The following ZNF468 variants were observed in gnomAD, a reference collection of about 807,000 sequenced individuals.
ZNF468 encodes zinc finger protein ZNF468.
Under a neutral mutation model 7.2 loss-of-function variants are expected in ZNF468, and 8 were observed. That is an observed-to-expected ratio of 1.11 (90% CI 0.65 to 2.01). The LOEUF (loss-of-function observed/expected upper bound fraction) is 2.01, where lower values mean the gene tolerates loss of function less well. ZNF468 is among the 30% of genes most tolerant of loss of function. The pLI, the probability that ZNF468 is intolerant of heterozygous loss-of-function variation, is 0.00. For synonymous variants in ZNF468, 218 were observed against 214.4 expected (o/e 1.02, Z -0.15); for missense variants, 608 against 626.5 (o/e 0.97, Z 0.31).
intron 3 of ZNF468, among the ~76,000 whole-genome samples, chr19:52,848,339 A>C (rs2063357020): frequency 6.6e-6 from 1 of 152,192 alleles, no homozygotes; most frequent in African/African-American, 2.4e-5. Context: ...GCTTTCGTAG[A>C]GTCCCAGCCC....
intron 3 of ZNF468, among the ~76,000 whole-genome samples, chr19:52,844,174 G>C (rs1158423070): frequency 6.6e-6 from 1 of 152,158 alleles, no homozygotes; most frequent in Non-Finnish European, 1.5e-5. Flanking sequence ...GGTAGATGTG[G>C]TATTCTCTAA....
intron 1 of ZNF468, 76 bp from the exon 2 acceptor site, chr19:52,854,421 G>T: frequency 7.1e-7 from 1 of 1,415,334 alleles, no homozygotes; most frequent in Non-Finnish European, 9.6e-7. Context: ...ACAAACATAG[G>T]AGACCTCACC....
chr19:52,840,662 G>C lies in ZNF468; in HGVS notation c.*63C>G. Reference sequence around the variant, plus strand: ...TGCTTGTAAGGTTTCTCTCCAGTATGAATTGCCTTATGACTTACAGGGTTG... The same window carrying C: ...TGCTTGTAAGGTTTCTCTCCAGTATCAATTGCCTTATGACTTACAGGGTTG... On this transcript the variant is annotated 3_prime_UTR_variant, in exon 4 of 4. Transcript: ENST00000595646. The C allele has an allele frequency of 1.2e-6, 2 of 1,609,444 alleles. No individual in the cohort carries two copies. The highest frequency in any genetic ancestry group is 1.7e-6 in the Non-Finnish European group (2 of 1,176,248).
chr19:52,840,136 G>A lies in ZNF468; in HGVS notation c.*589C>T. 2.1e-6 allele frequency: 1 copy of A among 472,474 alleles called. No homozygotes were observed. The highest frequency in any genetic ancestry group is 2.1e-5 in the South Asian group (1 of 48,458). 29.3% of individuals were successfully genotyped at this position (472,474 alleles called of 1,614,324 possible). On this transcript the variant is annotated 3_prime_UTR_variant, in exon 4 of 4. Transcript: ENST00000595646. ...CTTACATTTCTATGGCTTTTCTCCA[G>A]TGTGAATTCTCCTATGTATTTGAAG...
Position 52,838,793 on chromosome 19 carries a change from G to C in ZNF468, c.*1932C>G, listed in dbSNP as rs1301616860. On this transcript the variant is annotated 3_prime_UTR_variant, in exon 4 of 4. Coordinates refer to ENST00000595646, the MANE Select transcript of ZNF468 (RefSeq NM_001008801.2). ...GGAATAAACATAAAAAGTGAGGTTTGTACCTTGAAATCTATAAACATTGAT... is the reference window on the plus strand; with the variant it reads ...GGAATAAACATAAAAAGTGAGGTTTCTACCTTGAAATCTATAAACATTGAT... The C allele has an allele frequency of 6.6e-6, 1 of 152,152 alleles. No individual in the cohort carries two copies. The highest frequency in any genetic ancestry group is 1.5e-5 in the Non-Finnish European group (1 of 68,018). The allele number at this position is 152,152 out of a possible 1,614,324, so 9.4% of individuals were successfully genotyped here.
In ZNF468 at chr19:52,839,576, G is replaced by T; in HGVS notation, c.*1149C>A. On this transcript the variant is annotated 3_prime_UTR_variant, in exon 4 of 4. Coordinates refer to ENST00000595646, the MANE Select transcript of ZNF468 (RefSeq NM_001008801.2). Reference sequence around the variant, plus strand: ...AAGGAATTGTCTGATGGTCTGCAAGGAGTGACCTTGGACTGAAGACCCTTC... The same window carrying T: ...AAGGAATTGTCTGATGGTCTGCAAGTAGTGACCTTGGACTGAAGACCCTTC... 1.9e-6 allele frequency: 1 copy of T among 535,804 alleles called. No individual in the cohort carries two copies. The highest frequency in any genetic ancestry group is 3.8e-6 in the Non-Finnish European group (1 of 264,352). 33.2% of individuals were successfully genotyped at this position (535,804 alleles called of 1,614,324 possible).
intron 2 of ZNF468, among the ~76,000 whole-genome samples, chr19:52,851,788 T>G (rs745743324): frequency 9.9e-5 from 15 of 152,036 alleles, no homozygotes; most frequent in Non-Finnish European, 2.2e-4. Flanking sequence ...AGTACAAAAA[T>G]CTGTTTTGTA....
intron 3 of ZNF468, 39 bp from the exon 4 acceptor site, chr19:52,842,190 C>T (rs758717168): frequency 1.1e-5 from 16 of 1,505,854 alleles, no homozygotes; most frequent in Non-Finnish European, 4.5e-6. Context: ...CAATTAAGTA[C>T]AGACGGTATA....
At chr19:52,847,925 AG>A (rs1399185131) in intron 3 of ZNF468, among the ~76,000 whole-genome samples, 2 of 152,204 alleles carry the variant, frequency 1.3e-5, no homozygotes, top group African/African-American at 4.8e-5. Context: ...TGAGTGTGCT[AG>A]CCCCATGGGC....
chr19:52,847,720 C>T (rs576782633), intron 3 of ZNF468, among the ~76,000 whole-genome samples: 2 of 152,146 alleles, frequency 1.3e-5, no homozygotes, highest in Non-Finnish European at 2.9e-5. Flanking sequence ...ATAAATCTAG[C>T]CTACGTGCAC....
chr19:52,847,394 TC>T (rs1568679133), intron 3 of ZNF468, among the ~76,000 whole-genome samples: 1 of 148,162 alleles, frequency 6.7e-6, no homozygotes, highest in East Asian at 2.0e-4. Context: ...TGTCCAAGTT[TC>T]CCCCCACTGA....
At position 52,841,948 on chromosome 19, in the gene ZNF468, T is replaced by C. The variant is rs757033118; in HGVS notation, c.346A>G (p.Ile116Val). ...CCTGTACTACCAGCCAACTCTTTGA[T>C]TTCTGTCATGGGTGCTGCATGGCCA... The part of the protein sequence containing the change: ...TNGHAAPMTE[I>V]KELAGSTGQH... Residue 116 changes from isoleucine (I) to valine (V), a missense_variant, in exon 4 of 4, where the codon ATC becomes GTC. Physicochemically the swap from Ile to Val is conservative, Grantham distance 29. Transcript: ENST00000595646. 44 of 1,613,732 alleles carry C rather than the reference T, an allele frequency of 2.7e-5. No individual in the cohort carries two copies. Among genetic ancestry groups the C allele is most frequent in the Non-Finnish European group, 1.7e-6 (2 of 1,179,828 alleles).
chr19:52,850,870 G>A (rs1251190656), intron 2 of ZNF468, among the ~76,000 whole-genome samples: 1 of 151,858 alleles, frequency 6.6e-6, no homozygotes, highest in Non-Finnish European at 1.5e-5. Flanking sequence ...CTGCACTCCA[G>A]CCTGGGCGAC....
intron 1 of ZNF468, among the ~76,000 whole-genome samples, chr19:52,857,202 G>A (rs1274223782): frequency 1.3e-5 from 2 of 151,994 alleles, no homozygotes; most frequent in African/African-American, 4.8e-5. Context: ...GACTGGGGTC[G>A]CCGCGCTGTG....
chr19:52,841,338 C>T lies in ZNF468; in HGVS notation c.956G>A (p.Arg319Lys), dbSNP rs757823033. Residue 319 changes from arginine (R) to lysine (K), a missense_variant, in exon 4 of 4, where the codon AGG (arginine) becomes AAG (lysine). Transcript: ENST00000595646. The stretch of plus-strand genomic sequence containing the variant: ...GTATGGTTTCTCTCCAGTATGAATC[C>T]TCTTATGTCTTTCAAGGTGTGATTT... The part of the protein sequence containing the change: ...SRKSHLERHK[R>K]IHTGEKPYKC... The T allele has an allele frequency of 5.0e-6, 8 of 1,613,780 alleles. No homozygotes were observed. The highest frequency in any genetic ancestry group is 6.8e-6 in the Non-Finnish European group (8 of 1,179,942).
chr19:52,845,713 T>TA (rs577610845), intron 3 of ZNF468, among the ~76,000 whole-genome samples: 147 of 151,440 alleles, frequency 9.7e-4, no homozygotes, highest in East Asian at 6.3e-3. Context: ...TAAAGGTAAA[T>TA]AAAAAAACAG....
In ZNF468 at chr19:52,842,651, C is replaced by T. The variant is rs1041566482; in HGVS notation, c.143-500G>A. Among the ~76,000 whole-genome samples, 8 of 151,478 alleles carry T rather than the reference C, an allele frequency of 5.3e-5. 1 individual carries two copies. The highest frequency in any genetic ancestry group is 1.2e-4 in the Non-Finnish European group (8 of 67,888). On this transcript the variant is annotated intron_variant, in intron 3 of 3. Coordinates refer to ENST00000595646, the MANE Select transcript of ZNF468 (RefSeq NM_001008801.2). ...AACAATCACAGCACTGACAAGATAA[C>T]AGAAGATTACAAAAATTAGCCAGGT...
chr19:52,842,218 A>C lies in ZNF468; in HGVS notation c.143-67T>G, dbSNP rs544795577. 2.3e-4 allele frequency: 306 copies of C among 1,318,008 alleles called. 2 individuals are homozygous for C. The South Asian group carries it at 4.5e-3, about 19-fold the overall frequency. 81.6% of individuals were successfully genotyped at this position (1,318,008 alleles called of 1,614,324 possible). ...ACGGTATATAATACTGAAATGTGTA[A>C]ATATCACAGAAAAAAAACAATACTT... On this transcript the variant is annotated intron_variant, in intron 3 of 3. Coordinates refer to ENST00000595646, the MANE Select transcript of ZNF468 (RefSeq NM_001008801.2).
intron 2 of ZNF468, chr19:52,853,787 A>T: frequency 1.9e-6 from 2 of 1,031,278 alleles, no homozygotes; most frequent in Non-Finnish European, 2.4e-6. Flanking sequence ...TCAGAAACAC[A>T]GTAACTCACT....
Sources: gnomAD v4.1 joint callset for allele counts (sites outside exome capture counted in the v4.1 genomes callset) on GRCh38, gnomAD v4.1.1 for gene constraint, MANE v1.5 for transcripts, NCBI Gene and HGNC (gene_info 2026-07-23, HGNC 2026-07-21) for gene names.